Variants in NKAIN2 observed in about 807,000 individuals in gnomAD.
The protein encoded by NKAIN2 is sodium/potassium-transporting ATPase subunit beta-1-interacting protein 2.
Under a neutral mutation model 32.6 loss-of-function variants are expected in NKAIN2, and 14 were observed. That is an observed-to-expected ratio of 0.43 (90% CI 0.28 to 0.67). The LOEUF (loss-of-function observed/expected upper bound fraction) is 0.67, where lower values mean the gene tolerates loss of function less well. Ranked by LOEUF, NKAIN2 falls within the 30% of genes least tolerant of loss-of-function variation. NKAIN2 has a pLI of 0.17. For synonymous variants in NKAIN2, 80 were observed against 87.2 expected (o/e 0.92, Z 0.46); for missense variants, 198 against 258.3 (o/e 0.77, Z 1.60).
At chr6:123,988,397 A>G (rs200728556) in intron 1 of NKAIN2, among the ~76,000 whole-genome samples, 1 of 152,056 alleles carries the variant, frequency 6.6e-6, no homozygotes, top group East Asian at 1.9e-4. Flanking sequence ...GGATTGGGGG[A>G]AGTTGTGTTG....
At chr6:124,222,769 C>T (rs138606896) in intron 1 of NKAIN2, among the ~76,000 whole-genome samples, 197 of 152,052 alleles carry the variant, frequency 1.3e-3, no homozygotes, top group African/African-American at 4.3e-3. Context: ...TGTTGCATGG[C>T]GGAGAATCAA....
At chr6:124,435,823 C>T (rs1381475158) in intron 3 of NKAIN2, among the ~76,000 whole-genome samples, 1 of 151,922 alleles carries the variant, frequency 6.6e-6, no homozygotes, top group East Asian at 1.9e-4. Context: ...TTAAAAAGTC[C>T]CAAAGCCTAA....
At chr6:124,381,927 G>A (rs537051551) in intron 3 of NKAIN2, among the ~76,000 whole-genome samples, 1 of 152,154 alleles carries the variant, frequency 6.6e-6, no homozygotes, top group African/African-American at 2.4e-5. Context: ...TAACTTTAAG[G>A]CAATGAAAAT....
intron 1 of NKAIN2, among the ~76,000 whole-genome samples, chr6:124,033,190 G>T (rs1781476922): frequency 6.6e-6 from 1 of 152,078 alleles, no homozygotes; most frequent in African/African-American, 2.4e-5. Context: ...AAATGTACAG[G>T]AGTAACATAT....
intron 3 of NKAIN2, among the ~76,000 whole-genome samples, chr6:124,608,037 T>C (rs1345597735): frequency 6.6e-6 from 1 of 152,090 alleles, no homozygotes; most frequent in Non-Finnish European, 1.5e-5. Flanking sequence ...TTATGATAGG[T>C]TTATTGAGCT....
chr6:124,816,341 C>T (rs181066212), intron 5 of NKAIN2, among the ~76,000 whole-genome samples: 4 of 152,212 alleles, frequency 2.6e-5, no homozygotes, highest in African/African-American at 4.8e-5. Flanking sequence ...TGTTACGGTA[C>T]TCTAATGGTA....
At chr6:124,021,042 T>C (rs1252871950) in intron 1 of NKAIN2, among the ~76,000 whole-genome samples, 1 of 152,150 alleles carries the variant, frequency 6.6e-6, no homozygotes, top group East Asian at 1.9e-4. Context: ...AAATATTTAC[T>C]GAACACTTTA....
chr6:124,113,306 G>A (rs1343451279), intron 1 of NKAIN2, among the ~76,000 whole-genome samples: 1 of 152,110 alleles, frequency 6.6e-6, no homozygotes, highest in Non-Finnish European at 1.5e-5. Context: ...TTTTTCCTCA[G>A]GTGGCTAGAT....
At chr6:124,333,805 G>A (rs564393776) in intron 2 of NKAIN2, among the ~76,000 whole-genome samples, 2 of 152,098 alleles carry the variant, frequency 1.3e-5, no homozygotes, top group Non-Finnish European at 2.9e-5. Context: ...AATTCAGAAG[G>A]TAAGCCTATA....
intron 3 of NKAIN2, among the ~76,000 whole-genome samples, chr6:124,539,851 G>C (rs1369619528): frequency 6.6e-6 from 1 of 152,080 alleles, no homozygotes; most frequent in Non-Finnish European, 1.5e-5. Context: ...CTCCCGAGTA[G>C]CTGGGACTAC....
At chr6:124,706,153 T>A (rs749547237) in intron 4 of NKAIN2, among the ~76,000 whole-genome samples, 3 of 152,256 alleles carry the variant, frequency 2.0e-5, no homozygotes, top group Middle Eastern at 3.4e-3. Flanking sequence ...TAGGAGGATA[T>A]CCACTTGTTT....
At chr6:124,581,409 G>A (rs1246443713) in intron 3 of NKAIN2, among the ~76,000 whole-genome samples, 1 of 132,110 alleles carries the variant, frequency 7.6e-6, no homozygotes, top group East Asian at 2.3e-4. Context: ...ACTGCAGTCC[G>A]CAGTCCGGCC....
At chr6:123,867,862 ATTTTTTTTTTT>A (rs1201240894) in intron 1 of NKAIN2, among the ~76,000 whole-genome samples, 1 of 129,198 alleles carries the variant, frequency 7.7e-6, no homozygotes, top group Non-Finnish European at 1.7e-5. Flanking sequence ...TACTGGGTTC[ATTTTTTTTTTT>A]TTTTTTTTTG....
At chr6:124,751,812 C>CAATAAATA (rs10665653) in intron 4 of NKAIN2, among the ~76,000 whole-genome samples, 7,762 of 133,988 alleles carry the variant, frequency 0.058, 306 homozygotes, top group East Asian at 0.093. Context: ...GACCCCATCT[C>CAATAAATA]AATAAATAAA....
chr6:124,432,726 C>T (rs983586485), intron 3 of NKAIN2, among the ~76,000 whole-genome samples: 12 of 152,028 alleles, frequency 7.9e-5, no homozygotes, highest in African/African-American at 2.9e-4. Flanking sequence ...GATCTCCAGC[C>T]TCTATGGCCA....
At chr6:124,206,995 G>T (rs1790927772) in intron 1 of NKAIN2, among the ~76,000 whole-genome samples, 1 of 151,526 alleles carries the variant, frequency 6.6e-6, no homozygotes, top group African/African-American at 2.4e-5. Context: ...ACTATATGTG[G>T]TCAAGAAACA....
chr6:123,973,119 C>T (rs1778414665), intron 1 of NKAIN2, among the ~76,000 whole-genome samples: 1 of 152,100 alleles, frequency 6.6e-6, no homozygotes, highest in South Asian at 2.1e-4. Flanking sequence ...TCTAAGCAAT[C>T]TTCTCTGTGC....
intron 5 of NKAIN2, among the ~76,000 whole-genome samples, chr6:124,812,938 CCTGT>C (rs781011365): frequency 3.9e-5 from 6 of 152,078 alleles, no homozygotes; most frequent in Non-Finnish European, 8.8e-5. Context: ...TTTAGTAATT[CCTGT>C]CTGTCTTTCA....
chr6:124,663,756 T>C (rs909301596), intron 4 of NKAIN2, among the ~76,000 whole-genome samples: 1 of 152,210 alleles, frequency 6.6e-6, no homozygotes, highest in African/African-American at 2.4e-5. Flanking sequence ...TTTGCTTTCA[T>C]TAAAATTGAA....
Sources: allele counts gnomAD v4.1 joint callset (sites outside exome capture counted in the v4.1 genomes callset), GRCh38; gene constraint gnomAD v4.1.1; transcripts MANE v1.5; gene names NCBI Gene and HGNC (gene_info 2026-07-23, HGNC 2026-07-21).